PDHX: variants seen among roughly 807,000 people sequenced by gnomAD.
The protein encoded by PDHX is pyruvate dehydrogenase protein X component, mitochondrial.
A neutral mutation model predicts 55.3 loss-of-function variants in PDHX; 33 were observed. The observed-to-expected ratio is 0.60, with a 90% CI of 0.45 to 0.80. PDHX has a LOEUF of 0.80. PDHX is among the 30% of genes least tolerant of loss of function. The pLI, the probability that PDHX is intolerant of heterozygous loss-of-function variation, is 0.00. For missense variants in PDHX, 622 were observed against 619.9 expected (o/e 1.00, Z -0.04); for synonymous variants, 226 against 219.4 (o/e 1.03, Z -0.27).
At chr11:34,919,652 G>A (rs1303479909) in intron 1 of PDHX, among the ~76,000 whole-genome samples, 1 of 152,138 alleles carries the variant, frequency 6.6e-6, no homozygotes, top group Non-Finnish European at 1.5e-5. Flanking sequence ...GAACTGAAGT[G>A]CATGTATATA....
intron 9 of PDHX, among the ~76,000 whole-genome samples, chr11:34,990,554 G>T (rs1855735122): frequency 2.6e-5 from 4 of 152,108 alleles, no homozygotes; most frequent in Admixed American, 6.6e-5. Context: ...ATCAGGATAT[G>T]TTGAGATCAT....
At chr11:34,937,281 GCTCT>G (rs1854353257) in intron 2 of PDHX, among the ~76,000 whole-genome samples, 1 of 149,836 alleles carries the variant, frequency 6.7e-6, no homozygotes, top group African/African-American at 2.4e-5. Flanking sequence ...TAAAGCATCT[GCTCT>G]CTATCGGATA....
chr11:34,941,385 G>A (rs1854474475), intron 2 of PDHX, among the ~76,000 whole-genome samples: 1 of 152,170 alleles, frequency 6.6e-6, no homozygotes, highest in Non-Finnish European at 1.5e-5. Context: ...AAGCAGTTCT[G>A]TCTTATTTTA....
chr11:34,959,460 G>C (rs1275442949), intron 4 of PDHX, among the ~76,000 whole-genome samples: 1 of 151,968 alleles, frequency 6.6e-6, no homozygotes, highest in Non-Finnish European at 1.5e-5. Context: ...TGTTGGCAAG[G>C]ACATGGATAA....
intron 2 of PDHX, among the ~76,000 whole-genome samples, chr11:34,946,659 G>C (rs1854627876): frequency 6.6e-6 from 1 of 152,148 alleles, no homozygotes; most frequent in Non-Finnish European, 1.5e-5. Flanking sequence ...GCAGTATTCT[G>C]GTCCCCACCT....
At chr11:34,959,768 G>C (rs545401815) in intron 4 of PDHX, among the ~76,000 whole-genome samples, 3 of 152,070 alleles carry the variant, frequency 2.0e-5, no homozygotes, top group Non-Finnish European at 4.4e-5. Flanking sequence ...GATAAACCTT[G>C]AGAATATTAT....
At chr11:34,949,482 C>T (rs906708999) in intron 3 of PDHX, among the ~76,000 whole-genome samples, 4 of 152,148 alleles carry the variant, frequency 2.6e-5, no homozygotes, top group Non-Finnish European at 4.4e-5. Context: ...AGTAATCTGC[C>T]CACCTTGGCC....
chr11:34,963,612 C>T (rs1469840546), intron 5 of PDHX, among the ~76,000 whole-genome samples: 1 of 152,160 alleles, frequency 6.6e-6, no homozygotes, highest in Non-Finnish European at 1.5e-5. Flanking sequence ...AGGACATGCT[C>T]CATACCATGT....
At chr11:34,985,763 T>A (rs556838501) in intron 9 of PDHX, among the ~76,000 whole-genome samples, 1 of 152,200 alleles carries the variant, frequency 6.6e-6, no homozygotes, top group Non-Finnish European at 1.5e-5. Context: ...AAGGGAGATA[T>A]GAGGTAGAAC....
chr11:34,988,578 A>T (rs1726694965), intron 9 of PDHX, among the ~76,000 whole-genome samples: 1 of 151,486 alleles, frequency 6.6e-6, no homozygotes, highest in East Asian at 1.9e-4. Context: ...AAAAAAAGAA[A>T]CTTGAGAAGC....
chr11:34,960,179 A>C (rs1009869034), intron 4 of PDHX, among the ~76,000 whole-genome samples: 13 of 152,344 alleles, frequency 8.5e-5, no homozygotes, highest in Admixed American at 7.8e-4. Flanking sequence ...CTTTCCCCTA[A>C]TTAATATTTA....
At chr11:34,962,421 G>A (rs1426360069) in intron 5 of PDHX, among the ~76,000 whole-genome samples, 1 of 152,212 alleles carries the variant, frequency 6.6e-6, no homozygotes, top group African/African-American at 2.4e-5. Flanking sequence ...TCTAGGTGAT[G>A]ATAGTTTGGT....
chr11:34,978,236 A>T, intron 8 of PDHX, 54 bp downstream of exon 8: 1 of 985,844 alleles, frequency 1.0e-6, no homozygotes, highest in Non-Finnish European at 1.6e-6. Context: ...CATGTCGTGG[A>T]ATTTTTACAA....
intron 5 of PDHX, among the ~76,000 whole-genome samples, chr11:34,964,853 AT>A (rs1460878553): frequency 6.6e-6 from 1 of 151,994 alleles, no homozygotes; most frequent in East Asian, 1.9e-4. Context: ...CTATTAGCAT[AT>A]TATTAGCATA....
intron 4 of PDHX, 132 bp from the exon 5 acceptor site, chr11:34,960,288 C>T (rs974918002): frequency 4.7e-6 from 3 of 643,090 alleles, no homozygotes; most frequent in Non-Finnish European, 8.5e-6. Context: ...TGACTGTGAC[C>T]ATCTGTGGGA....
intron 2 of PDHX, chr11:34,941,969 T>C: frequency 6.5e-6 from 1 of 152,956 alleles, no homozygotes; most frequent in Middle Eastern, 2.2e-3. Flanking sequence ...GCAGGAACAC[T>C]CCAGGGCTGC....
At chr11:34,960,090 A>G (rs752409594) in intron 4 of PDHX, among the ~76,000 whole-genome samples, 4 of 152,354 alleles carry the variant, frequency 2.6e-5, no homozygotes, top group Non-Finnish European at 4.4e-5. Flanking sequence ...TGAAGAAATG[A>G]TAGAACAAAA....
chr11:34,994,985 T>G lies in PDHX; in HGVS notation c.1319T>G (p.Leu440Trp), dbSNP rs1164412354. Residue 440 changes from leucine to tryptophan, a missense_variant, in exon 11 of 11, where the codon TTG becomes TGG. By Grantham distance (61) the Leu-to-Trp change is moderately conservative. Coordinates refer to ENST00000227868, the MANE Select transcript of PDHX (RefSeq NM_003477.3). ...ATTAACCCTCCTCAGGCCTGCATTT[T>G]GGCGGTTGGGAGGTTCCGACCTGTG... Reference protein sequence around the residue: ...AVINPPQACILAVGRFRPVLK... With the variant: ...AVINPPQACIWAVGRFRPVLK... 6 of 1,614,080 alleles carry G rather than the reference T, an allele frequency of 3.7e-6. No homozygotes were observed. In the South Asian group the frequency reaches 6.6e-5, roughly 18 times the overall value.
intron 5 of PDHX, among the ~76,000 whole-genome samples, chr11:34,963,835 A>G (rs1473379673): frequency 1.3e-5 from 2 of 152,238 alleles, no homozygotes; most frequent in Non-Finnish European, 2.9e-5. Context: ...CGAGGCCACA[A>G]TTAGAAGCAG....
Sources: allele counts gnomAD v4.1 joint callset (sites outside exome capture counted in the v4.1 genomes callset), GRCh38; gene constraint gnomAD v4.1.1; transcripts MANE v1.5; gene names NCBI Gene and HGNC (gene_info 2026-07-23, HGNC 2026-07-21).